Variants in DNAJC2 observed in about 807,000 individuals in gnomAD.
DNAJC2 encodes DnaJ heat shock protein family (Hsp40) member C2.
Under a neutral mutation model 94.0 loss-of-function variants are expected in DNAJC2, and 32 were observed. The ratio of observed to expected loss-of-function variants is 0.34; its 90% CI spans 0.26 to 0.46. DNAJC2 has a LOEUF of 0.46. Ranked by LOEUF, DNAJC2 falls within the 20% of genes least tolerant of loss-of-function variation. The pLI is 1.00. For missense variants in DNAJC2, 550 were observed against 719.5 expected, an observed-to-expected ratio of 0.76 and a Z score of 2.69; for synonymous variants, 210 against 229.7, an observed-to-expected ratio of 0.91 and a Z score of 0.77.
intron 10 of DNAJC2, chr7:103,320,760 C>CACATATATATATATATATATATAT (rs1563459852): frequency 3.4e-5 from 3 of 89,282 alleles, no homozygotes; most frequent in African/African-American, 1.9e-4. Context: ...TATATATATA[C>CACATATATATATATATATATATAT]ACATATATAT....
intron 12 of DNAJC2, 190 bp from the exon 13 acceptor site, chr7:103,317,204 G>A: frequency 1.8e-6 from 1 of 559,694 alleles, no homozygotes; most frequent in Non-Finnish European, 3.1e-6. Context: ...AGGTCTGCCT[G>A]AGGGACCAAG....
At chr7:103,334,944 G>A (rs573277841) in intron 3 of DNAJC2, among the ~76,000 whole-genome samples, 1 of 152,038 alleles carries the variant, frequency 6.6e-6, no homozygotes, top group Admixed American at 6.6e-5. Context: ...AGCGGTTCTC[G>A]TGCCGCAGCC....
At chr7:103,334,225 A>G (rs1011319386) in intron 3 of DNAJC2, among the ~76,000 whole-genome samples, 1 of 151,406 alleles carries the variant, frequency 6.6e-6, no homozygotes, top group Non-Finnish European at 1.5e-5. Flanking sequence ...TGCTGGGATT[A>G]CAGGTGTGAG....
intron 15 of DNAJC2, chr7:103,314,149 G>A: frequency 3.0e-6 from 3 of 985,434 alleles, no homozygotes; most frequent in Non-Finnish European, 3.6e-6. Context: ...GTTCTAGGAA[G>A]TCTTTTGTTG....
chr7:103,324,420 AC>A, intron 6 of DNAJC2, 61 bp downstream of exon 6: 1 of 1,358,944 alleles, frequency 7.4e-7, no homozygotes, highest in African/African-American at 1.5e-5. Context: ...ACAATCAAGT[AC>A]TTATTGAATA....
intron 3 of DNAJC2, chr7:103,335,222 T>C (rs1280487982): frequency 6.6e-6 from 1 of 152,224 alleles, no homozygotes; most frequent in Non-Finnish European, 1.5e-5. Flanking sequence ...AAGCAAGCAT[T>C]CAAAGGACAT....
intron 3 of DNAJC2, chr7:103,329,469 AAAAC>A (rs974175877): frequency 6.6e-6 from 1 of 152,312 alleles, no homozygotes; most frequent in African/African-American, 2.4e-5. Flanking sequence ...TTATGTTTCA[AAAAC>A]AGTCATCTTT....
chr7:103,332,521 A>G (rs771774746), intron 3 of DNAJC2, among the ~76,000 whole-genome samples: 17 of 152,204 alleles, frequency 1.1e-4, no homozygotes, highest in Non-Finnish European at 2.1e-4. Flanking sequence ...CAGCATTAGA[A>G]TTTTTAATTC....
chr7:103,312,724 C>A, intron 16 of DNAJC2, 81 bp from the exon 17 acceptor site: 1 of 1,582,020 alleles, frequency 6.3e-7, no homozygotes, highest in African/African-American at 1.4e-5. Context: ...GTAAAGAATT[C>A]AAGCAACTAA....
chr7:103,343,928 C>G (rs931431335), intron 1 of DNAJC2, among the ~76,000 whole-genome samples: 1 of 152,202 alleles, frequency 6.6e-6, no homozygotes, highest in African/African-American at 2.4e-5. Context: ...ATGGGAATTA[C>G]TGTAGATCAC....
chr7:103,337,672 A>G, intron 3 of DNAJC2, 64 bp downstream of exon 3: 1 of 1,313,434 alleles, frequency 7.6e-7, no homozygotes, highest in Non-Finnish European at 1.1e-6. Flanking sequence ...ATATCTTTTA[A>G]AAAGCATAGC....
chr7:103,333,951 A>AC (rs1819067850), intron 3 of DNAJC2, among the ~76,000 whole-genome samples: 2 of 139,510 alleles, frequency 1.4e-5, no homozygotes, highest in African/African-American at 2.6e-5. Flanking sequence ...TGTTGTGAAC[A>AC]TTTTTTTTTT....
At chr7:103,344,270 G>C (rs1586123130) in intron 1 of DNAJC2, 2 of 476,928 alleles carry the variant, frequency 4.2e-6, no homozygotes, top group Non-Finnish European at 7.4e-6. Flanking sequence ...ACCTTTCTGG[G>C]GTGCTGGGGG....
At chr7:103,338,267 CTTT>C (rs528754279) in intron 2 of DNAJC2, among the ~76,000 whole-genome samples, 2 of 124,114 alleles carry the variant, frequency 1.6e-5, no homozygotes, top group Non-Finnish European at 3.4e-5. Context: ...AAGACCCTGT[CTTT>C]TTTTTTTTTT....
Position 103,312,434 on chromosome 7 carries a change from GTC to G in DNAJC2, c.*133_*134del, listed in dbSNP as rs1294729171. 8.6e-6 allele frequency: 13 copies of G among 1,512,766 alleles called. No individual in the cohort carries two copies. The highest frequency in any genetic ancestry group is 1.4e-5 in the African/African-American group (1 of 70,988). 93.7% of individuals were successfully genotyped at this position (1,512,766 alleles called of 1,614,324 possible). A position where few individuals can be genotyped will look rare whatever the true frequency, so the allele number is the denominator to read the frequency against. Reference sequence around the variant, plus strand: ...CTCTGAAGGTTGTTTTGTATTAATGGTCAGTCTTTGTTCTCTGAGAAATTATG... The same window carrying G: ...CTCTGAAGGTTGTTTTGTATTAATGGAGTCTTTGTTCTCTGAGAAATTATG... On this transcript the variant is annotated 3_prime_UTR_variant, in exon 17 of 17. Coordinates refer to ENST00000379263, the MANE Select transcript of DNAJC2 (RefSeq NM_014377.3).
chr7:103,322,079 T>C lies in DNAJC2; in HGVS notation c.936A>G (p.Gln312=). Residue 312 remains glutamine (Q), a splice_region_variant and synonymous_variant, in exon 10 of 17, where the codon CAA becomes CAG. Coordinates refer to ENST00000379263, the MANE Select transcript of DNAJC2 (RefSeq NM_014377.3). ...GAGCAGCTTCTAATTCAGCTTGTCT[T>C]TGCTTTAAAAAAAGGGAGTAAAATC... ...KRKEQEAKEK[Q]RQAELEAARL... is the part of the protein sequence containing the mutation. 1 of 1,599,312 alleles carries C rather than the reference T, an allele frequency of 6.3e-7. No homozygotes were observed. The highest frequency in any genetic ancestry group is 8.5e-7 in the Non-Finnish European group (1 of 1,173,502).
At chr7:103,331,148 G>T (rs1013479994) in intron 3 of DNAJC2, among the ~76,000 whole-genome samples, 1 of 151,854 alleles carries the variant, frequency 6.6e-6, no homozygotes, top group Non-Finnish European at 1.5e-5. Flanking sequence ...GTAGAGACAG[G>T]GTTTTGCCAT....
Position 103,341,751 on chromosome 7 carries a change from A to C in DNAJC2, c.255+13T>G. ...AAGCATCTGACTGAACAAAATATTC[A>C]GATATTAAATACCTTCCAGTCTTTG... is the stretch of plus-strand genomic sequence containing the variant. On this transcript the variant is annotated intron_variant, in intron 2 of 16. Coordinates refer to ENST00000379263, the MANE Select transcript of DNAJC2 (RefSeq NM_014377.3). The C allele has an allele frequency of 2.0e-6, 3 of 1,527,620 alleles. No individual in the cohort carries two copies. Among genetic ancestry groups the C allele is most frequent in the Non-Finnish European group, 2.6e-6 (3 of 1,138,292 alleles). The allele number at this position is 1,527,620 out of a possible 1,614,324, so 94.6% of individuals were successfully genotyped here.
intron 10 of DNAJC2, among the ~76,000 whole-genome samples, chr7:103,321,602 C>A (rs1292860828): frequency 6.6e-6 from 1 of 151,902 alleles, no homozygotes; most frequent in African/African-American, 2.4e-5. Context: ...AGTCCCAGCA[C>A]TTTGGGAGGC....
Sources: gnomAD v4.1 joint callset for allele counts (sites outside exome capture counted in the v4.1 genomes callset) on GRCh38, gnomAD v4.1.1 for gene constraint, MANE v1.5 for transcripts, NCBI Gene and HGNC (gene_info 2026-07-23, HGNC 2026-07-21) for gene names.